ZDHHC15: variants seen among roughly 807,000 people sequenced by gnomAD.
ZDHHC15 encodes palmitoyltransferase ZDHHC15.
In ZDHHC15, 19 loss-of-function variants were observed where a neutral mutation model predicts 31.7. The ratio of observed to expected loss-of-function variants is 0.60; its 90% CI spans 0.42 to 0.88. The LOEUF (loss-of-function observed/expected upper bound fraction) is 0.88. Among genes scored for constraint, ZDHHC15 ranks in the 40% least tolerant of loss-of-function variants. ZDHHC15 has a pLI of 0.00. For missense variants in ZDHHC15, 209 were observed against 251.2 expected (o/e 0.83, Z 1.14); for synonymous variants, 103 against 90.0 (o/e 1.14, Z -0.82).
chrX:75,380,262 G>A (rs927368649), intron 10 of ZDHHC15, among the ~76,000 whole-genome samples: 5 of 112,027 alleles, frequency 4.5e-5, no homozygotes, highest in African/African-American at 1.6e-4. Flanking sequence ...TACTAAGAAG[G>A]CAACTGAAAA....
intron 2 of ZDHHC15, among the ~76,000 whole-genome samples, chrX:75,491,628 TA>T (rs1247419105): frequency 9.1e-6 from 1 of 109,783 alleles, no homozygotes; most frequent in Non-Finnish European, 1.9e-5. Context: ...AGTATAATAA[TA>T]ATAAAATAAA....
chrX:75,508,795 C>T (rs189497611), intron 1 of ZDHHC15, among the ~76,000 whole-genome samples: 1 of 110,962 alleles, frequency 9.0e-6, no homozygotes, highest in Non-Finnish European at 1.9e-5. Flanking sequence ...TTCTCCACAT[C>T]CTCTCCAGCA....
At position 75,469,471 on chromosome X, in the gene ZDHHC15, T is replaced by C. The variant is rs961287707; in HGVS notation, c.258+9420A>G. Reference sequence around the variant, plus strand: ...ATTCGTCTACTTTAGGTACCTCATATAAGTAGAATCATACATATTAGCCTT... The same window carrying C: ...ATTCGTCTACTTTAGGTACCTCATACAAGTAGAATCATACATATTAGCCTT... On this transcript the variant is annotated intron_variant, in intron 3 of 11. Transcript: ENST00000373367. Among the ~76,000 whole-genome samples, 6 of 112,130 alleles carry C rather than the reference T, an allele frequency of 5.4e-5. No individual in the cohort carries two copies. The East Asian group carries it at 1.1e-3, about 21-fold the overall frequency.
At chrX:75,472,784 G>A (rs929389762) in intron 3 of ZDHHC15, among the ~76,000 whole-genome samples, 7 of 111,838 alleles carry the variant, frequency 6.3e-5, no homozygotes, top group African/African-American at 2.3e-4. Flanking sequence ...CAGTGATATG[G>A]ACCTCCACTC....
At chrX:75,383,906 T>TA in intron 10 of ZDHHC15, among the ~76,000 whole-genome samples, 1 of 71,303 alleles carries the variant, frequency 1.4e-5, no homozygotes, top group South Asian at 8.1e-4. Flanking sequence ...ACCCAGCTAA[T>TA]TTTTTTTTTG....
intron 10 of ZDHHC15, among the ~76,000 whole-genome samples, chrX:75,387,371 T>C (rs1432234073): frequency 8.9e-6 from 1 of 111,792 alleles, no homozygotes; most frequent in African/African-American, 3.3e-5. Flanking sequence ...TTGAGCCCTC[T>C]GATCAGCAAT....
At chrX:75,411,758 C>T (rs1034961453) in intron 10 of ZDHHC15, among the ~76,000 whole-genome samples, 4 of 110,885 alleles carry the variant, frequency 3.6e-5, no homozygotes, top group African/African-American at 1.3e-4. Context: ...AGTATGGTTT[C>T]CTCATAGTGA....
intron 10 of ZDHHC15, among the ~76,000 whole-genome samples, chrX:75,401,086 A>C (rs903359474): frequency 1.8e-5 from 2 of 110,955 alleles, no homozygotes; most frequent in African/African-American, 6.6e-5. Context: ...CGCATCACTG[A>C]GGCTGGACTC....
At chrX:75,484,523 T>A (rs765779185) in intron 2 of ZDHHC15, among the ~76,000 whole-genome samples, 2 of 112,180 alleles carry the variant, frequency 1.8e-5, no homozygotes, top group African/African-American at 6.5e-5. Flanking sequence ...GAATAGAATA[T>A]AAGAAACTAT....
chrX:75,504,957 T>C lies in ZDHHC15; in HGVS notation c.163+864A>G, dbSNP rs1396686416. On this transcript the variant is annotated intron_variant, in intron 2 of 11. Coordinates refer to ENST00000373367, the MANE Select transcript of ZDHHC15 (RefSeq NM_144969.3). ...GTAACAGGTAGTATTATCATTTTTA[T>C]TCTATACATGAATAAAATGAACACA... Among the ~76,000 whole-genome samples the C allele has an allele frequency of 8.1e-5, 9 of 111,374 alleles. No individual in the cohort carries two copies. In the South Asian group the frequency reaches 3.4e-3, roughly 42 times the overall value.
chrX:75,404,529 AAG>A (rs2083390354), intron 10 of ZDHHC15, among the ~76,000 whole-genome samples: 1 of 112,048 alleles, frequency 8.9e-6, no homozygotes. Flanking sequence ...GTAAATTTAC[AAG>A]AGAGAAACAA....
intron 1 of ZDHHC15, among the ~76,000 whole-genome samples, chrX:75,515,460 T>G (rs1203016891): frequency 9.0e-6 from 1 of 111,459 alleles, no homozygotes; most frequent in African/African-American, 3.3e-5. Flanking sequence ...GTCCATCATA[T>G]AAACAGAACC....
chrX:75,496,851 A>T (rs746248182), intron 2 of ZDHHC15, among the ~76,000 whole-genome samples: 1 of 111,565 alleles, frequency 9.0e-6, no homozygotes, highest in African/African-American at 3.3e-5. Flanking sequence ...AAGTGGTGCT[A>T]AGAAGAAAGT....
chrX:75,376,731 T>C (rs1225027087), intron 11 of ZDHHC15, among the ~76,000 whole-genome samples: 1 of 112,138 alleles, frequency 8.9e-6, no homozygotes, highest in Non-Finnish European at 1.9e-5. Flanking sequence ...TGTTTACTGA[T>C]TTGCAAGAGC....
intron 2 of ZDHHC15, among the ~76,000 whole-genome samples, chrX:75,485,275 T>C (rs182212909): frequency 1.8e-5 from 2 of 111,511 alleles, no homozygotes; most frequent in Admixed American, 1.9e-4. Context: ...TGTCTTTTCA[T>C]CTTAGATTTT....
At chrX:75,422,039 A>G (rs1569321146) in intron 8 of ZDHHC15, 49 bp from the exon 9 acceptor site, 1 of 1,164,297 alleles carries the variant, frequency 8.6e-7, no homozygotes, top group African/African-American at 1.8e-5. Context: ...AGCAATAAAG[A>G]AACAAATTTC....
intron 3 of ZDHHC15, among the ~76,000 whole-genome samples, chrX:75,452,079 G>A (rs1260617470): frequency 9.1e-6 from 1 of 110,407 alleles, no homozygotes; most frequent in African/African-American, 3.3e-5. Flanking sequence ...TAAAAACACA[G>A]ACTGGCAAAT....
At chrX:75,454,415 G>A (rs954288262) in intron 3 of ZDHHC15, among the ~76,000 whole-genome samples, 1 of 111,979 alleles carries the variant, frequency 8.9e-6, no homozygotes, top group South Asian at 3.7e-4. Context: ...TGTCTTTATA[G>A]CAGCATGATT....
chrX:75,409,398 G>T (rs2083457020), intron 10 of ZDHHC15, among the ~76,000 whole-genome samples: 1 of 103,089 alleles, frequency 9.7e-6, no homozygotes, highest in Non-Finnish European at 1.9e-5. Flanking sequence ...TGAGGCAAGA[G>T]AATTGCTTGA....
Sources: gnomAD v4.1 joint callset for allele counts (sites outside exome capture counted in the v4.1 genomes callset) on GRCh38, gnomAD v4.1.1 for gene constraint, MANE v1.5 for transcripts, NCBI Gene and HGNC (gene_info 2026-07-23, HGNC 2026-07-21) for gene names.